The following MAF variants were observed in gnomAD, a reference collection of about 807,000 sequenced individuals.
MAF encodes transcription factor Maf.
MAF carries 10 observed loss-of-function variants against 22.0 expected under a neutral mutation model. The observed-to-expected ratio is 0.45, with a 90% CI of 0.28 to 0.77. The LOEUF is 0.77. MAF is among the 30% of genes least tolerant of loss of function. The probability of loss-of-function intolerance (pLI) is 0.12; values close to 1 mark genes in which losing one functional copy is unlikely to be tolerated. For synonymous variants in MAF, 337 were observed against 255.8 expected (o/e 1.32, Z -3.03); for missense variants, 544 against 548.4 (o/e 0.99, Z 0.08).
the MAF span, among the ~76,000 whole-genome samples, chr16:79,272,083 A>T: frequency 1.3e-5 from 2 of 151,538 alleles, no homozygotes; most frequent in Non-Finnish European, 1.5e-5. Flanking sequence ...GGGTGGGGGG[A>T]TGTCAATGGG....
chr16:79,355,410 T>G, the MAF span, among the ~76,000 whole-genome samples: 6 of 151,854 alleles, frequency 4.0e-5, no homozygotes, highest in East Asian at 1.9e-4. Flanking sequence ...CCCAGCGGAG[T>G]CAAAGGACAG....
At chr16:79,254,626 A>C in the MAF span, among the ~76,000 whole-genome samples, 1 of 152,156 alleles carries the variant, frequency 6.6e-6, no homozygotes, top group South Asian at 2.1e-4. Context: ...ACATGATATG[A>C]CTGCTACTAT....
chr16:79,214,872 G>A, the MAF span, among the ~76,000 whole-genome samples: 46 of 151,238 alleles, frequency 3.0e-4, no homozygotes, highest in East Asian at 7.6e-3. Flanking sequence ...AACCACACCT[G>A]GCTAATCTTT....
the MAF span, among the ~76,000 whole-genome samples, chr16:79,523,796 C>T: frequency 6.6e-6 from 1 of 152,162 alleles, no homozygotes; most frequent in East Asian, 1.9e-4. Flanking sequence ...TCATGCGCAT[C>T]GTTATCCAGC....
At chr16:79,229,686 GGGCT>G in the MAF span, among the ~76,000 whole-genome samples, 10,970 of 152,086 alleles carry the variant, frequency 0.072, 577 homozygotes, top group Middle Eastern at 0.16. Flanking sequence ...TTGAGCCACG[GGGCT>G]GGCTCCTCGT....
rs974521102 is a variant in MAF at position 79,599,897 on chromosome 16, T to A, written c.6A>T (p.Ala2=). The A allele has an allele frequency of 1.9e-6, 3 of 1,579,386 alleles. No homozygotes were observed. In the African/African-American group the frequency reaches 4.6e-5, roughly 24 times the overall value. M[A]SELAMSNSDL... The stretch of plus-strand genomic sequence containing the variant: ...CGGAGTTGCTCATTGCCAGTTCTGA[T>A]GCCATTCTCCTGCCGCCGCCGCCGC... The change falls in exon 1 of 2, where the codon GCA becomes GCT. Residue 2 remains alanine, a synonymous_variant. Transcript: ENST00000326043.
At chr16:79,403,221 T>C in the MAF span, among the ~76,000 whole-genome samples, 1 of 152,174 alleles carries the variant, frequency 6.6e-6, no homozygotes, top group African/African-American at 2.4e-5. Flanking sequence ...CCCGCTAAAA[T>C]GTATGCCCAT....
chr16:79,481,724 C>G, the MAF span, among the ~76,000 whole-genome samples: 1 of 152,160 alleles, frequency 6.6e-6, no homozygotes, highest in Non-Finnish European at 1.5e-5. Flanking sequence ...ATCCATCCAT[C>G]TATACATCCA....
At chr16:79,335,725 G>C in the MAF span, among the ~76,000 whole-genome samples, 1 of 152,198 alleles carries the variant, frequency 6.6e-6, no homozygotes, top group African/African-American at 2.4e-5. Context: ...CTGCTGCTGG[G>C]GCCGGGAATC....
the MAF span, among the ~76,000 whole-genome samples, chr16:79,524,923 C>G: frequency 6.6e-6 from 1 of 152,072 alleles, no homozygotes; most frequent in African/African-American, 2.4e-5. Flanking sequence ...CAGATACAGC[C>G]ACGTGAGGTT....
At chr16:79,592,057 C>G (rs1021244133), downstream of MAF, among the ~76,000 whole-genome samples, 3 of 152,222 alleles carry the variant, frequency 2.0e-5, no homozygotes, top group Non-Finnish European at 4.4e-5. Flanking sequence ...GAAATTCAGA[C>G]TGGTAACAGG....
chr16:79,274,121 A>C, the MAF span, among the ~76,000 whole-genome samples: 1 of 151,702 alleles, frequency 6.6e-6, no homozygotes, highest in Non-Finnish European at 1.5e-5. Flanking sequence ...TGACTGGTTA[A>C]TTTTTGTATT....
At chr16:79,502,720 T>TATATAAATATAA in the MAF span, among the ~76,000 whole-genome samples, 30 of 23,604 alleles carry the variant, frequency 1.3e-3, no homozygotes, top group African/African-American at 4.3e-3. Context: ...TATATATATA[T>TATATAAATATAA]ATATATATAT....
the MAF span, among the ~76,000 whole-genome samples, chr16:79,481,408 G>A: frequency 6.6e-6 from 1 of 151,914 alleles, no homozygotes; most frequent in Admixed American, 6.6e-5. Flanking sequence ...CATACCCCAT[G>A]AATAGTGATT....
chr16:79,574,902 G>T, the MAF span, among the ~76,000 whole-genome samples: 1 of 152,132 alleles, frequency 6.6e-6, no homozygotes, highest in Non-Finnish European at 1.5e-5. Context: ...AAAACTCAGA[G>T]TAAAATATGG....
the MAF span, among the ~76,000 whole-genome samples, chr16:79,373,900 T>A: frequency 6.6e-6 from 1 of 152,320 alleles, no homozygotes; most frequent in Non-Finnish European, 1.5e-5. Flanking sequence ...ATGTGCAACA[T>A]AAAATAGACT....
At chr16:79,212,549 CGTTA>C in the MAF span, 15 of 169,218 alleles carry the variant, frequency 8.9e-5, no homozygotes, top group African/African-American at 2.6e-4. Context: ...GAGAATAAAA[CGTTA>C]GTTAATCCCT....
the MAF span, among the ~76,000 whole-genome samples, chr16:79,353,838 G>C: frequency 6.6e-6 from 1 of 152,140 alleles, no homozygotes; most frequent in Non-Finnish European, 1.5e-5. Flanking sequence ...TTAGTGTCTT[G>C]TGGATGGGAA....
chr16:79,211,893 A>G, the MAF span: 21,259 of 1,566,482 alleles, frequency 0.014, 193 homozygotes, highest in Middle Eastern at 0.028. Flanking sequence ...CCTCCAACAC[A>G]GATCCGCAAG....
Sources: allele counts gnomAD v4.1 joint callset (sites outside exome capture counted in the v4.1 genomes callset), GRCh38; gene constraint gnomAD v4.1.1; transcripts MANE v1.5; gene names NCBI Gene and HGNC (gene_info 2026-07-23, HGNC 2026-07-21).